MAGI1: variants seen among roughly 807,000 people sequenced by gnomAD.
The protein encoded by MAGI1 is membrane associated guanylate kinase, WW and PDZ domain containing 1.
Under a neutral mutation model 139.9 loss-of-function variants are expected in MAGI1, and 58 were observed. That is an observed-to-expected ratio of 0.41 (90% CI 0.34 to 0.52). MAGI1 has a LOEUF of 0.52. MAGI1 is among the 20% of genes least tolerant of loss of function. The probability of loss-of-function intolerance (pLI) is 0.12; values close to 1 mark genes in which losing one functional copy is unlikely to be tolerated. For synonymous variants in MAGI1, 812 were observed against 737.9 expected, an observed-to-expected ratio of 1.10 and a Z score of -1.63; for missense variants, 1,874 against 1,901.6, an observed-to-expected ratio of 0.99 and a Z score of 0.27.
chr3:65,634,832 C>T (rs2084513835), intron 1 of MAGI1, among the ~76,000 whole-genome samples: 1 of 152,164 alleles, frequency 6.6e-6, no homozygotes, highest in African/African-American at 2.4e-5. Flanking sequence ...TAAGTGACAA[C>T]TGCATCATGG....
At chr3:65,555,389 T>C (rs140342875) in intron 2 of MAGI1, among the ~76,000 whole-genome samples, 140 of 152,352 alleles carry the variant, frequency 9.2e-4, no homozygotes, top group African/African-American at 3.1e-3. Context: ...TCATCTGCTC[T>C]TGTCATATCT....
intron 1 of MAGI1, among the ~76,000 whole-genome samples, chr3:65,778,978 T>C (rs2038710274): frequency 6.6e-6 from 1 of 152,190 alleles, no homozygotes; most frequent in African/African-American, 2.4e-5. Flanking sequence ...GGGATACTGC[T>C]AAATAACTTG....
chr3:65,450,714 T>G (rs1024474556), intron 6 of MAGI1, among the ~76,000 whole-genome samples: 1 of 152,168 alleles, frequency 6.6e-6, no homozygotes, highest in Non-Finnish European at 1.5e-5. Context: ...AGTCATTCAC[T>G]AACATCAAAA....
chr3:65,917,825 T>A lies in MAGI1; in HGVS notation c.313+120171A>T, dbSNP rs571531249. Among the ~76,000 whole-genome samples, 8 of 152,308 alleles carry A rather than the reference T, an allele frequency of 5.3e-5. No individual in the cohort carries two copies. In the East Asian group the frequency reaches 1.5e-3, roughly 29 times the overall value. ...ACCAAGAATTTTTAGGCGGTGAAAC[T>A]AGTCTGTATATTATAATGGTGGACA... On this transcript the variant is annotated intron_variant, in intron 1 of 22. Transcript: ENST00000402939.
chr3:65,670,905 A>T (rs1347615903), intron 1 of MAGI1, among the ~76,000 whole-genome samples: 2 of 152,190 alleles, frequency 1.3e-5, no homozygotes, highest in Non-Finnish European at 2.9e-5. Flanking sequence ...AAGCCTCTAG[A>T]ATGTACCAAA....
rs61696952 is a variant in MAGI1, at chr3:65,950,067, CAAA to C, written c.313+87926_313+87928del. On this transcript the variant is annotated intron_variant, in intron 1 of 22. Transcript: ENST00000402939. ...ATCAAAAAAAAAAAAAACAAAAAAA[CAAA>C]AAAAAAACAAAAAAAAAAACAAACA... Among the ~76,000 whole-genome samples the C allele has an allele frequency of 1.1e-3, 87 of 76,726 alleles. 2 individuals carry two copies. Among genetic ancestry groups the C allele is most frequent in the Admixed American group, 2.1e-3 (11 of 5,210 alleles). The allele number at this position is 76,726 out of a possible 152,430, so 50.3% of individuals were successfully genotyped here. A position where few individuals can be genotyped will look rare whatever the true frequency, so the allele number is the denominator to read the frequency against.
chr3:65,744,217 C>T (rs968702645), intron 1 of MAGI1, among the ~76,000 whole-genome samples: 2 of 152,292 alleles, frequency 1.3e-5, no homozygotes, highest in African/African-American at 4.8e-5. Context: ...GGTTTCAGAA[C>T]TAAATGCCCC....
intron 1 of MAGI1, among the ~76,000 whole-genome samples, chr3:65,847,313 A>C (rs1292286551): frequency 6.6e-6 from 1 of 152,170 alleles, no homozygotes; most frequent in Admixed American, 6.5e-5. Context: ...CCAAATTGTT[A>C]AGGGTATCCT....
intron 1 of MAGI1, among the ~76,000 whole-genome samples, chr3:65,951,111 T>G (rs1330924427): frequency 6.6e-6 from 1 of 151,950 alleles, no homozygotes; most frequent in Non-Finnish European, 1.5e-5. Context: ...AATCTCATAA[T>G]GTTTTAAGAA....
At chr3:65,551,557 C>CA (rs1258752354) in intron 2 of MAGI1, among the ~76,000 whole-genome samples, 6 of 152,212 alleles carry the variant, frequency 3.9e-5, no homozygotes, top group African/African-American at 1.4e-4. Flanking sequence ...GCCTCGGCCT[C>CA]CCAAAGTGCT....
intron 1 of MAGI1, among the ~76,000 whole-genome samples, chr3:65,827,382 C>T (rs1012750529): frequency 4.0e-5 from 6 of 151,826 alleles, no homozygotes; most frequent in Admixed American, 3.3e-4. Context: ...ATGCTAGGCA[C>T]AGCACAAAGA....
intron 1 of MAGI1, among the ~76,000 whole-genome samples, chr3:65,691,327 G>T (rs1222649459): frequency 7.4e-6 from 1 of 135,384 alleles, no homozygotes; most frequent in African/African-American, 2.6e-5. Context: ...AAAAGAAAAA[G>T]AAAAAAGGGG....
chr3:65,583,017 A>AT (rs1484927631), intron 2 of MAGI1, among the ~76,000 whole-genome samples: 2 of 152,202 alleles, frequency 1.3e-5, no homozygotes, highest in African/African-American at 2.4e-5. Flanking sequence ...TTAATAGTGT[A>AT]TTTTCTCTAA....
At position 65,591,026 on chromosome 3, in the gene MAGI1, A is replaced by G. The variant is rs1176267580; in HGVS notation, c.430+30946T>C. Among the ~76,000 whole-genome samples, 5 of 152,324 alleles carry G rather than the reference A, an allele frequency of 3.3e-5. No individual in the cohort carries two copies. The East Asian group carries it at 9.7e-4, about 29-fold the overall frequency. ...CCACTCTCAGGAGTTTAACTTACAG[A>G]AGAATTCACAATACACACAAAGCTA... On this transcript the variant is annotated intron_variant, in intron 2 of 22. Coordinates refer to ENST00000402939, the MANE Select transcript of MAGI1 (RefSeq NM_001033057.2).
chr3:65,630,117 T>C (rs1166005403), intron 1 of MAGI1, among the ~76,000 whole-genome samples: 2 of 152,200 alleles, frequency 1.3e-5, no homozygotes, highest in Non-Finnish European at 2.9e-5. Context: ...TGCACACTTA[T>C]AATACACTTA....
intron 5 of MAGI1, 34 bp from the exon 6 acceptor site, chr3:65,453,374 T>G: frequency 1.4e-6 from 2 of 1,395,726 alleles, no homozygotes; most frequent in South Asian, 1.3e-5. Flanking sequence ...GAAATTTGTT[T>G]GAAAAAAAAA....
chr3:65,416,904 T>C (rs1946260423), intron 12 of MAGI1, among the ~76,000 whole-genome samples: 2 of 152,142 alleles, frequency 1.3e-5, no homozygotes, highest in African/African-American at 4.8e-5. Context: ...AGGTAGAAGT[T>C]TTAACTTTAC....
intron 13 of MAGI1, among the ~76,000 whole-genome samples, chr3:65,393,220 T>C (rs1332196296): frequency 6.6e-6 from 1 of 152,184 alleles, no homozygotes; most frequent in Non-Finnish European, 1.5e-5. Context: ...GATACCATAC[T>C]CATTTTCTTT....
At chr3:65,998,050 C>G (rs6765873) in intron 1 of MAGI1, among the ~76,000 whole-genome samples, 94,892 of 150,032 alleles carry the variant, frequency 0.63, 30,903 homozygotes, top group East Asian at 0.95. Context: ...TTGCAGTGAG[C>G]CAAGATTGCG....
Sources: gnomAD v4.1 joint callset for allele counts (sites outside exome capture counted in the v4.1 genomes callset) on GRCh38, gnomAD v4.1.1 for gene constraint, MANE v1.5 for transcripts, NCBI Gene and HGNC (gene_info 2026-07-23, HGNC 2026-07-21) for gene names.